CCDC180: variants seen among roughly 807,000 people sequenced by gnomAD.
The protein encoded by CCDC180 is coiled-coil domain-containing protein 180.
A neutral mutation model predicts 209.2 loss-of-function variants in CCDC180; 154 were observed. The ratio of observed to expected loss-of-function variants is 0.74; its 90% CI spans 0.65 to 0.84. The LOEUF (loss-of-function observed/expected upper bound fraction) is 0.84. Among genes scored for constraint, CCDC180 ranks in the 40% least tolerant of loss-of-function variants. The pLI is 0.00. For missense variants in CCDC180, 1,874 were observed against 1,997.3 expected, an observed-to-expected ratio of 0.94 and a Z score of 1.18; for synonymous variants, 778 against 749.1, an observed-to-expected ratio of 1.04 and a Z score of -0.63.
intron 11 of CCDC180, among the ~76,000 whole-genome samples, chr9:97,322,427 AAAT>A (rs1833386839): frequency 6.6e-6 from 1 of 152,216 alleles, no homozygotes; most frequent in South Asian, 2.1e-4. Flanking sequence ...GAAATAGAGA[AAAT>A]AAATAAAAAA....
chr9:97,370,141 A>G, intron 32 of CCDC180, 59 bp downstream of exon 32: 3 of 1,562,868 alleles, frequency 1.9e-6, no homozygotes, highest in African/African-American at 1.4e-5. Flanking sequence ...GAGTTCAGAA[A>G]TGGTGGCAGG....
chr9:97,322,669 G>C (rs1833396804), intron 11 of CCDC180, among the ~76,000 whole-genome samples, 164 bp from the exon 12 acceptor site: 2 of 152,178 alleles, frequency 1.3e-5, no homozygotes, highest in Admixed American at 6.5e-5. Context: ...GGGATGTCAG[G>C]AACTTTGTAA....
At chr9:97,365,888 A>G (rs982194151) in intron 30 of CCDC180, 149 bp downstream of exon 30, 16 of 662,760 alleles carry the variant, frequency 2.4e-5, no homozygotes, top group Middle Eastern at 4.1e-4. Context: ...TCACCTCCCT[A>G]TGAGTTTTTT....
chr9:97,361,945 G>C (rs1826766832), intron 27 of CCDC180, 47 bp downstream of exon 27: 1 of 1,591,196 alleles, frequency 6.3e-7, no homozygotes, highest in South Asian at 1.1e-5. Context: ...CCCTGCCCCT[G>C]GCCCTGGACC....
At chr9:97,365,139 T>C (rs988970878) in intron 29 of CCDC180, 3 of 152,476 alleles carry the variant, frequency 2.0e-5, no homozygotes, top group African/African-American at 7.2e-5. Context: ...TTGGTTAAAG[T>C]GAAAAGTTCC....
At chr9:97,370,933 C>CGGT in intron 33 of CCDC180, 155 bp downstream of exon 33, 1 of 411,594 alleles carries the variant, frequency 2.4e-6, no homozygotes, top group South Asian at 5.0e-5. Flanking sequence ...CCATTATTGG[C>CGGT]TGTTTTAACT....
intron 25 of CCDC180, among the ~76,000 whole-genome samples, chr9:97,358,463 G>C (rs1037948): frequency 0.54 from 82,036 of 151,942 alleles, 23,370 homozygotes; most frequent in African/African-American, 0.71. Flanking sequence ...CTGGTTTTCT[G>C]TGTTTAAAGT....
intron 18 of CCDC180, among the ~76,000 whole-genome samples, chr9:97,334,962 A>G (rs1281562964): frequency 1.3e-5 from 2 of 152,158 alleles, no homozygotes; most frequent in Non-Finnish European, 2.9e-5. Flanking sequence ...TAAATTTTAA[A>G]CATTTCTCTC....
Position 97,311,170 on chromosome 9 carries a change from C to G in CCDC180, c.261-943C>G, listed in dbSNP as rs750673. 6.0e-3 allele frequency among the ~76,000 whole-genome samples: 913 copies of G among 152,310 alleles called. 6 individuals carry two copies. Among genetic ancestry groups the G allele is most frequent in the Non-Finnish European group, 8.2e-3 (560 of 68,034 alleles). On this transcript the variant is annotated intron_variant, in intron 3 of 36. Transcript: ENST00000529487. The stretch of plus-strand genomic sequence containing the variant: ...GCCCAGGCCAGGGGGTAAATCACCA[C>G]TGGTATAAACCAAGCCCCAAGTCCC...
chr9:97,319,936 T>C (rs1054695047), intron 10 of CCDC180, among the ~76,000 whole-genome samples, 190 bp from the exon 11 acceptor site: 1 of 152,194 alleles, frequency 6.6e-6, no homozygotes, highest in East Asian at 1.9e-4. Flanking sequence ...ATTCGTTACT[T>C]AGAATTTGTT....
chr9:97,314,880 A>G lies in CCDC180; in HGVS notation c.729A>G (p.Glu243=). 6.2e-7 allele frequency: 1 copy of G among 1,614,124 alleles called. No homozygotes were observed. The highest frequency in any genetic ancestry group is 1.1e-5 in the South Asian group (1 of 91,080). The change falls in exon 8 of 37, where the codon GAA becomes GAG. Residue 243 remains glutamate (E), a synonymous_variant. Coordinates refer to ENST00000529487, the MANE Select transcript of CCDC180 (RefSeq NM_020893.6). ...KLKSVLKKYA[E]VIEKTSYLMR... ...AAAGCGTGTTGAAGAAATATGCAGAAGTCATAGAGAAAACTTCCTACCTCA... is the reference window on the plus strand; with the variant it reads ...AAAGCGTGTTGAAGAAATATGCAGAGGTCATAGAGAAAACTTCCTACCTCA...
chr9:97,358,357 A>G (rs1349639029), intron 25 of CCDC180, among the ~76,000 whole-genome samples: 1 of 152,072 alleles, frequency 6.6e-6, no homozygotes, highest in East Asian at 1.9e-4. Flanking sequence ...CCTGACCTCA[A>G]GTGACCCGCC....
intron 4 of CCDC180, 59 bp downstream of exon 4, chr9:97,312,260 G>A: frequency 6.8e-7 from 1 of 1,467,408 alleles, no homozygotes. Context: ...GACCTGGGCA[G>A]GAGGTGGGGA....
At chr9:97,309,349 C>A in intron 2 of CCDC180, 65 bp from the exon 3 acceptor site, 1 of 1,495,144 alleles carries the variant, frequency 6.7e-7, no homozygotes, top group Non-Finnish European at 9.1e-7. Context: ...CCACCATCAG[C>A]CTGAGAGTGC....
Position 97,370,075 on chromosome 9 carries a change from AAAG to A in CCDC180, c.4346_4348del (p.Arg1449del). On this transcript the variant is annotated inframe_deletion, in exon 32 of 37. Coordinates refer to ENST00000529487, the MANE Select transcript of CCDC180 (RefSeq NM_020893.6). ...GAGGAACAGCAGAAGCGGCTGGAGA[AAAG>A]AAAGGTGAGGGCCCCAGGACCAGCC... 1 of 1,613,802 alleles carries A rather than the reference AAAG, an allele frequency of 6.2e-7. No individual in the cohort carries two copies. The highest frequency in any genetic ancestry group is 8.5e-7 in the Non-Finnish European group (1 of 1,179,884).
At chr9:97,322,600 A>G (rs1326629522) in intron 11 of CCDC180, among the ~76,000 whole-genome samples, 2 of 152,236 alleles carry the variant, frequency 1.3e-5, no homozygotes, top group Non-Finnish European at 2.9e-5. Context: ...GTCAAGAATT[A>G]GGGCCAGAAT....
At chr9:97,345,176 T>C (rs1826213634) in intron 19 of CCDC180, among the ~76,000 whole-genome samples, 2 of 152,228 alleles carry the variant, frequency 1.3e-5, no homozygotes, top group Admixed American at 6.5e-5. Flanking sequence ...ACAAGTCTTC[T>C]GGTGAATATA....
Position 97,374,523 on chromosome 9 carries a change from A to C in CCDC180, c.4601-20A>C. 6.3e-7 allele frequency: 1 copy of C among 1,591,938 alleles called. No individual in the cohort carries two copies. Among genetic ancestry groups the C allele is most frequent in the Non-Finnish European group, 8.6e-7 (1 of 1,160,730 alleles). ...GGCTGTCGGTGAGGCTGCAGTCACT[A>C]GCCTGTCTTTTGCCTCTAGGGATGG... On this transcript the variant is annotated intron_variant, in intron 34 of 36. Transcript: ENST00000529487.
At chr9:97,357,822 C>A in intron 25 of CCDC180, 97 bp downstream of exon 25, 1 of 1,016,826 alleles carries the variant, frequency 9.8e-7, no homozygotes, top group Non-Finnish European at 1.5e-6. Flanking sequence ...AGGATTTCTC[C>A]AGCACAAGGT....
Sources: gnomAD v4.1 joint callset for allele counts (sites outside exome capture counted in the v4.1 genomes callset) on GRCh38, gnomAD v4.1.1 for gene constraint, MANE v1.5 for transcripts, NCBI Gene and HGNC (gene_info 2026-07-23, HGNC 2026-07-21) for gene names.